COBL: variants seen among roughly 807,000 people sequenced by gnomAD.
COBL encodes protein cordon-bleu.
In COBL, 51 loss-of-function variants were observed where a neutral mutation model predicts 98.8. That is an observed-to-expected ratio of 0.52 (90% CI 0.41 to 0.65). The LOEUF is 0.65. COBL is among the 30% of genes least tolerant of loss of function. COBL has a pLI of 0.00. For synonymous variants in COBL, 634 were observed against 651.7 expected (o/e 0.97, Z 0.41); for missense variants, 1,617 against 1,617.5 (o/e 1.00, Z 0.01).
chr7:51,043,771 G>T, intron 7 of COBL, 79 bp from the exon 8 acceptor site: 2 of 1,279,198 alleles, frequency 1.6e-6, no homozygotes, highest in Non-Finnish European at 2.2e-6. Context: ...ACATCAGTCT[G>T]TCGGCCCCGC....
At chr7:51,206,336 A>G (rs916758543) in intron 2 of COBL, among the ~76,000 whole-genome samples, 6 of 152,046 alleles carry the variant, frequency 3.9e-5, no homozygotes, top group African/African-American at 1.4e-4. Context: ...CACTAAAAAT[A>G]CAAAAATTAG....
intron 6 of COBL, among the ~76,000 whole-genome samples, chr7:51,109,289 C>T (rs1796617280): frequency 6.6e-6 from 1 of 152,228 alleles, no homozygotes; most frequent in Non-Finnish European, 1.5e-5. Context: ...TTCAAACCAC[C>T]TGTGTGAATG....
At chr7:51,098,507 T>C (rs1354054278) in intron 6 of COBL, among the ~76,000 whole-genome samples, 1 of 152,136 alleles carries the variant, frequency 6.6e-6, no homozygotes, top group Non-Finnish European at 1.5e-5. Context: ...GTTAACACAA[T>C]GTGGAAGATA....
intron 6 of COBL, among the ~76,000 whole-genome samples, chr7:51,116,361 T>G (rs1002576194): frequency 1.3e-5 from 2 of 152,164 alleles, no homozygotes; most frequent in African/African-American, 4.8e-5. Context: ...ATAATATGTG[T>G]GCTCAACTTT....
intron 5 of COBL, 119 bp downstream of exon 5, chr7:51,183,983 G>T (rs939096202): frequency 3.9e-6 from 2 of 510,406 alleles, no homozygotes; most frequent in Non-Finnish European, 6.9e-6. Context: ...TTTACCTGAA[G>T]GAATTAGTAT....
At chr7:51,150,102 C>T (rs538597711) in intron 5 of COBL, among the ~76,000 whole-genome samples, 4 of 152,102 alleles carry the variant, frequency 2.6e-5, no homozygotes, top group African/African-American at 9.7e-5. Flanking sequence ...AACACACACA[C>T]AAAAAACACT....
chr7:51,036,898 T>C (rs894004843), intron 8 of COBL, among the ~76,000 whole-genome samples: 2 of 152,238 alleles, frequency 1.3e-5, no homozygotes, highest in African/African-American at 4.8e-5. Flanking sequence ...AAAGGAACCC[T>C]AGAACTCAGA....
chr7:51,039,542 T>C (rs1266035165), intron 8 of COBL, among the ~76,000 whole-genome samples: 3 of 152,228 alleles, frequency 2.0e-5, no homozygotes, highest in Non-Finnish European at 2.9e-5. Context: ...GCCAAGCCTG[T>C]CCCTGGAACA....
At chr7:51,283,846 C>A (rs987334370) in intron 1 of COBL, among the ~76,000 whole-genome samples, 3 of 151,814 alleles carry the variant, frequency 2.0e-5, no homozygotes, top group Non-Finnish European at 2.9e-5. Flanking sequence ...GTTTCACTGG[C>A]CAATTTTACT....
At chr7:51,219,409 T>C (rs1259655047) in intron 2 of COBL, among the ~76,000 whole-genome samples, 1 of 152,184 alleles carries the variant, frequency 6.6e-6, no homozygotes, top group African/African-American at 2.4e-5. Context: ...TGAGGCACAC[T>C]GTGGCTGCTG....
At chr7:51,292,277 T>C (rs887161431) in intron 1 of COBL, among the ~76,000 whole-genome samples, 1 of 152,218 alleles carries the variant, frequency 6.6e-6, no homozygotes, top group Non-Finnish European at 1.5e-5. Context: ...GTCCATTTTG[T>C]CATTTTAAGG....
At chr7:51,298,412 G>A (rs940053199) in intron 1 of COBL, among the ~76,000 whole-genome samples, 2 of 152,348 alleles carry the variant, frequency 1.3e-5, no homozygotes, top group Admixed American at 6.5e-5. Flanking sequence ...GAGGTGGCCT[G>A]CTATTCAGGG....
Position 51,028,694 on chromosome 7 carries a change from T to C in COBL, c.2402A>G (p.Gln801Arg). 5.0e-6 allele frequency: 8 copies of C among 1,613,512 alleles called. No homozygotes were observed. Among genetic ancestry groups the C allele is most frequent in the Non-Finnish European group, 6.8e-6 (8 of 1,179,678 alleles). The change falls in exon 10 of 13, where the codon CAG becomes CGG. Residue 801 changes from glutamine to arginine, a missense_variant. By Grantham distance (43) the Gln-to-Arg change is conservative. This residue lies in a region of COBL where 1,304 missense variants were observed against 1,282.0 expected (regional missense o/e 1.02). Transcript: ENST00000265136. The stretch of plus-strand genomic sequence containing the variant: ...TGCTTGGAGTCTGCTCTCTGGATTC[T>C]GCGTCTGCGTGGGCACAGGGGTGGA... The part of the protein sequence containing the change: ...PPSTPVPTQT[Q>R]NPESRLQADP...
chr7:51,019,493 C>T (rs1262176617), intron 12 of COBL, among the ~76,000 whole-genome samples: 4 of 152,086 alleles, frequency 2.6e-5, no homozygotes, highest in South Asian at 2.1e-4. Flanking sequence ...TTTCTGAAGA[C>T]GTGAGGTTAA....
In COBL at chr7:51,252,263, A is replaced by G. The variant is rs76996656; in HGVS notation, c.42-32319T>C. 3.1e-3 allele frequency among the ~76,000 whole-genome samples: 468 copies of G among 152,324 alleles called. 2 individuals are homozygous for G. Among genetic ancestry groups the G allele is most frequent in the African/African-American group, 0.011 (437 of 41,572 alleles). ...TACATTGTACAATTCAATATATTGTACATGTTTTTCATATATTCACTGAGT... is the reference window on the plus strand; with the variant it reads ...TACATTGTACAATTCAATATATTGTGCATGTTTTTCATATATTCACTGAGT... On this transcript the variant is annotated intron_variant, in intron 1 of 12. Coordinates refer to ENST00000265136, the MANE Select transcript of COBL (RefSeq NM_015198.5).
chr7:51,073,664 T>C (rs1464850667), intron 7 of COBL, among the ~76,000 whole-genome samples: 5 of 152,088 alleles, frequency 3.3e-5, no homozygotes, highest in African/African-American at 9.7e-5. Flanking sequence ...GGTTGCCACA[T>C]AAAATTATTT....
intron 2 of COBL, among the ~76,000 whole-genome samples, chr7:51,207,601 C>T (rs1284441621): frequency 6.6e-6 from 1 of 152,232 alleles, no homozygotes. Context: ...GACTGGTTTT[C>T]GTATTTTTTT....
chr7:51,158,874 G>A (rs1469805855), intron 5 of COBL, among the ~76,000 whole-genome samples: 1 of 152,032 alleles, frequency 6.6e-6, no homozygotes, highest in African/African-American at 2.4e-5. Context: ...GGGAGACAGG[G>A]AAGGCGTGGG....
chr7:51,198,148 G>T (rs889190582), intron 2 of COBL, among the ~76,000 whole-genome samples: 4 of 152,118 alleles, frequency 2.6e-5, no homozygotes, highest in African/African-American at 9.7e-5. Flanking sequence ...TGGTAATGGT[G>T]TTTCCTTTCC....
Sources: gnomAD v4.1 joint callset for allele counts (sites outside exome capture counted in the v4.1 genomes callset) on GRCh38, gnomAD v4.1.1 for gene constraint, gnomAD v4.1.1 regional missense constraint, MANE v1.5 for transcripts, NCBI Gene and HGNC (gene_info 2026-07-23, HGNC 2026-07-21) for gene names.